NCOR2: variants seen among roughly 807,000 people sequenced by gnomAD.
NCOR2 encodes nuclear receptor corepressor 2, also known as CTG repeat protein 26.
A neutral mutation model predicts 262.9 loss-of-function variants in NCOR2; 81 were observed. That is an observed-to-expected ratio of 0.31 (90% CI 0.26 to 0.37). The LOEUF is 0.37. NCOR2 is among the 10% of genes least tolerant of loss of function. The pLI is 1.00. For missense variants in NCOR2, 3,385 were observed against 3,621.4 expected (o/e 0.93, Z 1.68); for synonymous variants, 1,659 against 1,559.3 (o/e 1.06, Z -1.51).
At chr12:124,379,737 G>A (rs1378736094) in intron 17 of NCOR2, among the ~76,000 whole-genome samples, 1 of 152,198 alleles carries the variant, frequency 6.6e-6, no homozygotes, top group Non-Finnish European at 1.5e-5. Context: ...TTTAGAAACG[G>A]GATCCTGCAT....
chr12:124,420,711 G>A (rs761315056), intron 12 of NCOR2, among the ~76,000 whole-genome samples: 5 of 152,232 alleles, frequency 3.3e-5, no homozygotes, highest in African/African-American at 4.8e-5. Flanking sequence ...CTCAGAAAGT[G>A]ATGCCACGAT....
intron 1 of NCOR2, among the ~76,000 whole-genome samples, chr12:124,509,241 G>GC (rs1555234132): frequency 8.3e-4 from 54 of 64,734 alleles, no homozygotes; most frequent in East Asian, 2.7e-3. Flanking sequence ...TTGGTGGGGG[G>GC]GGGGGGGGCT....
intron 1 of NCOR2, among the ~76,000 whole-genome samples, chr12:124,506,429 C>T (rs1399980100): frequency 1.3e-5 from 2 of 152,186 alleles, no homozygotes; most frequent in Non-Finnish European, 2.9e-5. Flanking sequence ...CCAGCTCGGC[C>T]CTGCTCCCCC....
At chr12:124,499,988 C>T (rs755741443), upstream of NCOR2, among the ~76,000 whole-genome samples, 32 of 152,184 alleles carry the variant, frequency 2.1e-4, no homozygotes, top group Middle Eastern at 3.4e-3. Flanking sequence ...GGAAACAGCT[C>T]GCTGCAGGAG....
At chr12:124,413,243 C>T (rs2042683106) in intron 13 of NCOR2, among the ~76,000 whole-genome samples, 1 of 152,186 alleles carries the variant, frequency 6.6e-6, no homozygotes, top group Non-Finnish European at 1.5e-5. Flanking sequence ...TGCCCACTCC[C>T]CGACACCTCG....
intron 5 of NCOR2, among the ~76,000 whole-genome samples, chr12:124,465,758 C>T (rs2046383574): frequency 6.6e-6 from 1 of 152,220 alleles, no homozygotes; most frequent in African/African-American, 2.4e-5. Flanking sequence ...CCAGGACTGA[C>T]AGGAGGGGCT....
At chr12:124,461,658 C>T (rs575382436) in intron 5 of NCOR2, among the ~76,000 whole-genome samples, 1 of 152,248 alleles carries the variant, frequency 6.6e-6, no homozygotes, top group Admixed American at 6.5e-5. Flanking sequence ...CAAGTGAACA[C>T]ATGATGTAAC....
intron 37 of NCOR2, 51 bp downstream of exon 39, chr12:124,339,955 C>G: frequency 7.4e-7 from 1 of 1,345,204 alleles, no homozygotes. Flanking sequence ...CATCCTCCTA[C>G]TGACCACCCA....
At chr12:124,404,074 TA>T (rs2136212144) in intron 13 of NCOR2, among the ~76,000 whole-genome samples, 1 of 152,282 alleles carries the variant, frequency 6.6e-6, no homozygotes, top group East Asian at 1.9e-4. Flanking sequence ...CCCTCAAACG[TA>T]ACGTTTAAAC....
chr12:124,340,718 G>A, exon 35 of NCOR2: 1 of 1,545,364 alleles, frequency 6.5e-7, no homozygotes, highest in Admixed American at 2.3e-5. Context: ...CACGAGCACA[G>A]GCAGGTGTGG....
chr12:124,562,768 C>A (rs1338068082), intron 1 of NCOR2, among the ~76,000 whole-genome samples: 1 of 152,200 alleles, frequency 6.6e-6, no homozygotes, highest in Non-Finnish European at 1.5e-5. Flanking sequence ...TCTTTCCCAG[C>A]AGCTTTTAAG....
Position 124,337,324 on chromosome 12 carries a change from A to G in NCOR2, c.5688-144T>C, listed in dbSNP as rs756936211. 4.2e-6 allele frequency: 4 copies of G among 941,276 alleles called. 1 individual carries two copies. In the East Asian group the frequency reaches 1.0e-4, roughly 25 times the overall value. 58.3% of individuals were successfully genotyped at this position (941,276 alleles called of 1,614,324 possible). Reference sequence around the variant, plus strand: ...ACTGCCCTCCTGACTGTAACCTGCCAGACTCTGTGCGTCATGGTTTGACCC... The same window carrying G: ...ACTGCCCTCCTGACTGTAACCTGCCGGACTCTGTGCGTCATGGTTTGACCC... On this transcript the variant is annotated intron_variant, in intron 37 of 46. Coordinates refer to ENST00000405201, the Ensembl canonical transcript of NCOR2.
At chr12:124,519,089 T>TACACACACACATACACACAC (rs58285194) in intron 1 of NCOR2, among the ~76,000 whole-genome samples, 10,560 of 97,096 alleles carry the variant, frequency 0.11, 955 homozygotes, top group East Asian at 0.25. Context: ...GGCCAAATAA[T>TACACACACACATACACACAC]ACACACACAC....
At chr12:124,462,637 G>A (rs902763501) in intron 5 of NCOR2, among the ~76,000 whole-genome samples, 9 of 152,224 alleles carry the variant, frequency 5.9e-5, no homozygotes, top group African/African-American at 2.2e-4. Context: ...TGGGGGCCTG[G>A]CCCAGGATGC....
At chr12:124,559,697 G>GA (rs557171684) in intron 1 of NCOR2, among the ~76,000 whole-genome samples, 29 of 151,970 alleles carry the variant, frequency 1.9e-4, no homozygotes, top group Admixed American at 4.6e-4. Flanking sequence ...AGGGCAAAGG[G>GA]AAAAAAAATG....
intron 1 of NCOR2, among the ~76,000 whole-genome samples, chr12:124,565,513 G>A (rs1212089385): frequency 6.6e-6 from 1 of 152,120 alleles, no homozygotes; most frequent in African/African-American, 2.4e-5. Context: ...AAGCAGAGGG[G>A]AGTGGGAAAA....
chr12:124,534,240 T>G (rs1340241235), intron 1 of NCOR2, among the ~76,000 whole-genome samples: 1 of 152,136 alleles, frequency 6.6e-6, no homozygotes, highest in Non-Finnish European at 1.5e-5. Context: ...GAGGATCACT[T>G]GAGGTCAGGA....
intron 16 of NCOR2, chr12:124,388,740 A>C: frequency 7.7e-7 from 1 of 1,304,220 alleles, no homozygotes; most frequent in Non-Finnish European, 1.0e-6. Flanking sequence ...TAGGGCTGGG[A>C]AGATGCCCCA....
chr12:124,336,716 G>GC, intron 38 of NCOR2, 37 bp downstream of exon 40: 1 of 1,605,480 alleles, frequency 6.2e-7, no homozygotes, highest in Non-Finnish European at 8.5e-7. Context: ...CATGATAATC[G>GC]CGTCTATGAA....
Sources: gnomAD v4.1 joint callset for allele counts (sites outside exome capture counted in the v4.1 genomes callset) on GRCh38, gnomAD v4.1.1 for gene constraint, MANE v1.5 for transcripts, NCBI Gene and HGNC (gene_info 2026-07-23, HGNC 2026-07-21) for gene names.